TMEM161A: variants seen among roughly 807,000 people sequenced by gnomAD.
TMEM161A encodes the protein adaptive response to oxidative stress protein 29.
Under a neutral mutation model 57.1 loss-of-function variants are expected in TMEM161A, and 46 were observed. The observed-to-expected ratio is 0.81, with a 90% CI of 0.64 to 1.03. The LOEUF (loss-of-function observed/expected upper bound fraction) is 1.03, where lower values mean the gene tolerates loss of function less well. Among genes scored for constraint, TMEM161A ranks in the 50% least tolerant of loss-of-function variants. The pLI is 0.00. For missense variants in TMEM161A, 601 were observed against 621.5 expected (o/e 0.97, Z 0.35); for synonymous variants, 288 against 279.0 (o/e 1.03, Z -0.32).
chr19:19,134,913 GCACCTGCCAGAGGGT>G, intron 1 of TMEM161A, 26 bp from the exon 2 acceptor site: 2 of 1,504,492 alleles, frequency 1.3e-6, no homozygotes, highest in Non-Finnish European at 1.8e-6. Flanking sequence ...ATGACTGGCA[GCACCTGCCAGAGGGT>G]CACAAGTTCC....
At chr19:19,124,579 C>T (rs575484435) in intron 6 of TMEM161A, among the ~76,000 whole-genome samples, 216 of 152,142 alleles carry the variant, frequency 1.4e-3, no homozygotes, top group Non-Finnish European at 2.4e-3. Flanking sequence ...TAGGTCAAAG[C>T]ATAGCAAGAC....
chr19:19,134,788 C>A lies in TMEM161A; in HGVS notation c.103G>T (p.Gly35Cys). 1 of 1,571,864 alleles carries A rather than the reference C, an allele frequency of 6.4e-7. No homozygotes were observed. The highest frequency in any genetic ancestry group is 8.6e-7 in the Non-Finnish European group (1 of 1,161,140). The stretch of plus-strand genomic sequence containing the variant: ...CACCGCCGGGGCGGGGCTCACCTGC[C>A]GTTACAGAGCAGCCAGCGCGCGAAG... ...CSFARWLLCN[G>C]SLFRYKHPSE... The change falls in exon 2 of 12, where the codon GGC becomes TGC. Residue 35 changes from glycine (G) to cysteine (C), a missense_variant. By Grantham distance (159) the Gly-to-Cys change is radical. Transcript: ENST00000162044.
At chr19:19,137,313 C>T (rs1375181225) in intron 1 of TMEM161A, among the ~76,000 whole-genome samples, 2 of 152,094 alleles carry the variant, frequency 1.3e-5, no homozygotes, top group Admixed American at 1.3e-4. Context: ...CCTTTGGGCT[C>T]TTCATCAATG....
chr19:19,122,472 A>G (rs758973321), intron 6 of TMEM161A, among the ~76,000 whole-genome samples: 3 of 152,064 alleles, frequency 2.0e-5, no homozygotes, highest in Non-Finnish European at 4.4e-5. Flanking sequence ...TCAGGACCCA[A>G]GATTTTTCAA....
rs375546860 is a variant in TMEM161A at position 19,132,750 on chromosome 19, C to A, written c.193G>T (p.Ala65Ser). 4.5e-6 allele frequency: 7 copies of A among 1,538,722 alleles called. No individual in the cohort carries two copies. The African/African-American group carries it at 5.5e-5, about 12-fold the overall frequency. ...PRPRGRKERW[A>S]NGLSEEKPLS... is the part of the protein sequence containing the mutation. ...GGCTTCTCCTCACTAAGGCCATTGGCCCACCTGGGAGGATGGTGACAAGCA... is the reference window on the plus strand; with the variant it reads ...GGCTTCTCCTCACTAAGGCCATTGGACCACCTGGGAGGATGGTGACAAGCA... Residue 65 changes from alanine (A) to serine (S), a missense_variant, in exon 4 of 12, where the codon GCC becomes TCC. Physicochemically the swap from Ala to Ser is moderately conservative, Grantham distance 99 (BLOSUM62 1). Transcript: ENST00000162044. The surrounding 1 kb of genome is among the most constrained non-coding windows in gnomAD (Gnocchi z 4.3).
chr19:19,124,772 T>C (rs1277759528), intron 6 of TMEM161A, among the ~76,000 whole-genome samples: 2 of 151,968 alleles, frequency 1.3e-5, no homozygotes, highest in Non-Finnish European at 2.9e-5. Context: ...CTGGCCAACA[T>C]GGTAAAACCC....
intron 6 of TMEM161A, among the ~76,000 whole-genome samples, chr19:19,128,695 C>T (rs571442165): frequency 4.5e-4 from 68 of 151,922 alleles, no homozygotes; most frequent in African/African-American, 1.4e-3. Flanking sequence ...TGTGTCACCA[C>T]GCCCGACTAA....
At chr19:19,126,561 T>TAAAAACAC (rs1297312073) in intron 6 of TMEM161A, among the ~76,000 whole-genome samples, 10 of 152,078 alleles carry the variant, frequency 6.6e-5, no homozygotes, top group African/African-American at 2.4e-4. Context: ...CTGTCTCTAT[T>TAAAAACAC]AAAAACACAA....
Position 19,121,559 on chromosome 19 carries a change from C to T in TMEM161A, c.766G>A (p.Ala256Thr), listed in dbSNP as rs534447523. 6.2e-6 allele frequency: 10 copies of T among 1,613,904 alleles called. No homozygotes were observed. Among genetic ancestry groups the T allele is most frequent in the East Asian group, 2.2e-5 (1 of 44,864 alleles). The change falls in exon 8 of 12, where the codon GCA becomes ACA. Residue 256 changes from alanine (A) to threonine (T), a missense_variant. Coordinates refer to ENST00000162044, the MANE Select transcript of TMEM161A (RefSeq NM_017814.3). The surrounding 1 kb of genome is among the most constrained non-coding windows in gnomAD (Gnocchi z 5.8). ...GGTCTGTCCTCCGACATGGTCAGTG[C>T]GTCCCGGTGGGTCTGGGCCAGCCGC... ...GLRLAQTHRDALTMSEDRPML... is the reference protein window; with the variant it reads ...GLRLAQTHRDTLTMSEDRPML...
At chr19:19,129,571 C>A (rs968506474) in intron 6 of TMEM161A, among the ~76,000 whole-genome samples, 4 of 151,666 alleles carry the variant, frequency 2.6e-5, no homozygotes, top group African/African-American at 9.7e-5. Flanking sequence ...CATAGTGAGA[C>A]CCTGTTTCAA....
Position 19,132,805 on chromosome 19 carries a change from G to A in TMEM161A, c.189-51C>T. ...GGACGGTGAGCACGCATTCCACTGAGGCCAGCCACCCTCAGAGCTCAGAGC... is the reference window on the plus strand; with the variant it reads ...GGACGGTGAGCACGCATTCCACTGAAGCCAGCCACCCTCAGAGCTCAGAGC... On this transcript the variant is annotated intron_variant, in intron 3 of 11. Coordinates refer to ENST00000162044, the MANE Select transcript of TMEM161A (RefSeq NM_017814.3). The surrounding 1 kb of genome is among the most constrained non-coding windows in gnomAD (Gnocchi z 4.3). 2 of 1,420,580 alleles carry A rather than the reference G, an allele frequency of 1.4e-6. No individual in the cohort carries two copies. The highest frequency in any genetic ancestry group is 2.3e-5 in the East Asian group (1 of 42,808). 88.0% of individuals were successfully genotyped at this position (1,420,580 alleles called of 1,614,324 possible).
Position 19,132,365 on chromosome 19 carries a change from C to A in TMEM161A, c.430G>T (p.Val144Leu). ...GAGGAAGGATACATGGAGAAGGTCACCGTGAGCAGGCACCAGAACACAGCA... is the reference window on the plus strand; with the variant it reads ...GAGGAAGGATACATGGAGAAGGTCAACGTGAGCAGGCACCAGAACACAGCA... ...NIAVFWCLLT[V>L]TFSIKMFLTV... The change falls in exon 5 of 12, where the codon GTG (valine) becomes TTG (leucine). Residue 144 changes from valine (V) to leucine (L), a missense_variant. By Grantham distance (32) the Val-to-Leu change is conservative. Transcript: ENST00000162044. This position sits in a 1 kb window ranked among gnomAD's most constrained non-coding sequence, Gnocchi z 4.3. The A allele has an allele frequency of 1.9e-6, 3 of 1,613,124 alleles. No individual in the cohort carries two copies. The highest frequency in any genetic ancestry group is 1.7e-6 in the Non-Finnish European group (2 of 1,179,378).
Position 19,132,497 on chromosome 19 carries a change from A to G in TMEM161A, c.298T>C (p.Phe100Leu), listed in dbSNP as rs2059963641. ...TCCACAAACCACTGGTACTCCAGGA[A>G]GAAGCGCAGGACTGTGGGGGGCACT... ...TTVDALVLRF[F>L]LEYQWFVDFA... The change falls in exon 5 of 12, where the codon TTC (phenylalanine) becomes CTC (leucine). Residue 100 changes from phenylalanine to leucine, a missense_variant. Phe to Leu is a conservative substitution (Grantham distance 22). Coordinates refer to ENST00000162044, the MANE Select transcript of TMEM161A (RefSeq NM_017814.3). The surrounding 1 kb of genome is among the most constrained non-coding windows in gnomAD (Gnocchi z 4.3). 2 of 1,613,906 alleles carry G rather than the reference A, an allele frequency of 1.2e-6. No individual in the cohort carries two copies. Among genetic ancestry groups the G allele is most frequent in the Middle Eastern group, 1.7e-4 (1 of 6,060 alleles).
In TMEM161A at chr19:19,120,826, G is replaced by A; in HGVS notation, c.1125C>T (p.Ser375=). Residue 375 remains serine, a synonymous_variant, in exon 11 of 12, where the codon AGC becomes AGT. Coordinates refer to ENST00000162044, the MANE Select transcript of TMEM161A (RefSeq NM_017814.3). The stretch of plus-strand genomic sequence containing the variant: ...GGATGAGCGGCGTCAGGTACTGCAA[G>A]CTCACCACGGTCACATAGCAGTAGA... The part of the protein sequence containing the change: ...VRVYCYVTVV[S]LQYLTPLILT... The A allele has an allele frequency of 1.2e-6, 2 of 1,613,462 alleles. No homozygotes were observed. Among genetic ancestry groups the A allele is most frequent in the African/African-American group, 2.7e-5 (2 of 75,060 alleles).
chr19:19,125,754 G>A (rs1392598925), intron 6 of TMEM161A, among the ~76,000 whole-genome samples: 1 of 151,952 alleles, frequency 6.6e-6, no homozygotes, highest in Non-Finnish European at 1.5e-5. Context: ...CCGACCTCGT[G>A]ATGTGCCCAT....
chr19:19,124,560 A>G (rs1030396998), intron 6 of TMEM161A, among the ~76,000 whole-genome samples: 1 of 152,230 alleles, frequency 6.6e-6, no homozygotes, highest in East Asian at 1.9e-4. Context: ...AAAAATATTT[A>G]ATAATCCATA....
Position 19,119,744 on chromosome 19 carries a change from A to T in TMEM161A, c.*186T>A. 1 of 692,044 alleles carries T rather than the reference A, an allele frequency of 1.4e-6. No individual in the cohort carries two copies. Among genetic ancestry groups the T allele is most frequent in the Non-Finnish European group, 2.4e-6 (1 of 421,920 alleles). The allele number at this position is 692,044 out of a possible 1,614,324, so 42.9% of individuals were successfully genotyped here. A position where few individuals can be genotyped will look rare whatever the true frequency, so the allele number is the denominator to read the frequency against. On this transcript the variant is annotated 3_prime_UTR_variant, in exon 12 of 12. Coordinates refer to ENST00000162044, the MANE Select transcript of TMEM161A (RefSeq NM_017814.3). ...ACCCTCATGCTGCTGGGCCCAGGAG[A>T]GACAGTTCTGAGGCAGAAACTCGGC...
rs1030133415 is a variant in TMEM161A at position 19,132,512 on chromosome 19, T to G, written c.287-4A>C. The G allele has an allele frequency of 6.2e-7, 1 of 1,612,604 alleles. No individual in the cohort carries two copies. The highest frequency in any genetic ancestry group is 1.3e-5 in the African/African-American group (1 of 74,882). Reference sequence around the variant, plus strand: ...TACTCCAGGAAGAAGCGCAGGACTGTGGGGGGCACTCTGCTCAGCCCTGGG... The same window carrying G: ...TACTCCAGGAAGAAGCGCAGGACTGGGGGGGGCACTCTGCTCAGCCCTGGG... On this transcript the variant is annotated splice_region_variant and splice_polypyrimidine_tract_variant and intron_variant, in intron 4 of 11. Transcript: ENST00000162044. The surrounding 1 kb of genome is among the most constrained non-coding windows in gnomAD (Gnocchi z 4.3).
In TMEM161A at chr19:19,119,827, C is replaced by T; in HGVS notation, c.*103G>A. The T allele has an allele frequency of 7.0e-7, 1 of 1,423,584 alleles. No homozygotes were observed. The highest frequency in any genetic ancestry group is 9.4e-7 in the Non-Finnish European group (1 of 1,060,992). The allele number at this position is 1,423,584 out of a possible 1,614,324, so 88.2% of individuals were successfully genotyped here. ...TGAAGGGAACGCCGGGGAGTCCGGC[C>T]CCACCTTGCAGCTGGGGACACGGGG... On this transcript the variant is annotated 3_prime_UTR_variant, in exon 12 of 12. Coordinates refer to ENST00000162044, the MANE Select transcript of TMEM161A (RefSeq NM_017814.3).
Sources: gnomAD v4.1 joint callset for allele counts (sites outside exome capture counted in the v4.1 genomes callset) on GRCh38, gnomAD v4.1.1 for gene constraint, Gnocchi (gnomAD v3.1) non-coding constraint, MANE v1.5 for transcripts, NCBI Gene and HGNC (gene_info 2026-07-23, HGNC 2026-07-21) for gene names.